EPB41: variants seen among roughly 807,000 people sequenced by gnomAD.
EPB41 encodes protein 4.1.
A neutral mutation model predicts 108.0 loss-of-function variants in EPB41; 65 were observed. The ratio of observed to expected loss-of-function variants is 0.60; its 90% CI spans 0.49 to 0.74. The LOEUF (loss-of-function observed/expected upper bound fraction) is 0.74. EPB41 is among the 30% of genes least tolerant of loss of function. The probability of loss-of-function intolerance (pLI) is 0.00; values close to 1 mark genes in which losing one functional copy is unlikely to be tolerated. For synonymous variants in EPB41, 336 were observed against 358.9 expected (o/e 0.94, Z 0.72); for missense variants, 875 against 1,037.0 (o/e 0.84, Z 2.15).
chr1:29,101,614 G>A (rs1481884016), intron 17 of EPB41, among the ~76,000 whole-genome samples: 1 of 152,136 alleles, frequency 6.6e-6, no homozygotes, highest in Non-Finnish European at 1.5e-5. Context: ...GTTGCAGTGA[G>A]CCGAGATCAT....
At chr1:28,945,001 G>A (rs190590949) in intron 1 of EPB41, among the ~76,000 whole-genome samples, 7 of 151,656 alleles carry the variant, frequency 4.6e-5, no homozygotes, top group African/African-American at 1.7e-4. Flanking sequence ...TGAGGTGGGA[G>A]GATCACTTGA....
intron 1 of EPB41, among the ~76,000 whole-genome samples, chr1:28,940,127 A>G (rs2094213878): frequency 1.3e-5 from 2 of 152,226 alleles, no homozygotes; most frequent in African/African-American, 4.8e-5. Flanking sequence ...AGTTGTTGGT[A>G]GCCAGCTTTG....
At position 29,061,308 on chromosome 1, in the gene EPB41, C is replaced by T. The variant is rs537104902; in HGVS notation, c.2007+824C>T. Among the ~76,000 whole-genome samples, 400 of 152,148 alleles carry T rather than the reference C, an allele frequency of 2.6e-3. 3 individuals are homozygous for T. Among genetic ancestry groups the T allele is most frequent in the African/African-American group, 9.3e-3 (388 of 41,532 alleles). On this transcript the variant is annotated intron_variant, in intron 15 of 20. Transcript: ENST00000343067. ...TTTTTGAGACAGAGTCTCGCTCTGT[C>T]GGCCAGGCTAGAGTGTAGTGGCGTG...
chr1:28,930,530 G>A (rs559821662), intron 1 of EPB41, among the ~76,000 whole-genome samples: 9 of 151,472 alleles, frequency 5.9e-5, no homozygotes, highest in African/African-American at 1.7e-4. Context: ...TGTTGCCTGG[G>A]CTGGAGTGCA....
rs1221262969 is a variant in EPB41, at chr1:28,905,030, C to CAAAAAAAAAA, written c.-8+17830_-8+17839dup. On this transcript the variant is annotated intron_variant, in intron 1 of 16. Transcript: ENST00000347529. ...TGGGCGACAGAACGAGACTCTGTCT[C>CAAAAAAAAAA]AAAAAAAAAAAAAAAAAAATTAGCC... Among the ~76,000 whole-genome samples the CAAAAAAAAAA allele has an allele frequency of 3.4e-3, 246 of 72,238 alleles. 4 individuals carry two copies. Among genetic ancestry groups the CAAAAAAAAAA allele is most frequent in the African/African-American group, 8.8e-3 (151 of 17,096 alleles). 47.4% of individuals were successfully genotyped at this position (72,238 alleles called of 152,430 possible).
intron 1 of EPB41, among the ~76,000 whole-genome samples, chr1:28,940,423 G>A (rs931684165): frequency 6.6e-6 from 1 of 152,154 alleles, no homozygotes; most frequent in African/African-American, 2.4e-5. Context: ...AGGCCGAGGT[G>A]GGCGGATCAC....
chr1:28,955,793 G>A (rs2094927473), intron 1 of EPB41, among the ~76,000 whole-genome samples: 1 of 152,182 alleles, frequency 6.6e-6, no homozygotes, highest in Non-Finnish European at 1.5e-5. Flanking sequence ...GAAGGGAATG[G>A]AGAATAGGAT....
At chr1:28,922,702 A>G (rs914832201) in intron 1 of EPB41, among the ~76,000 whole-genome samples, 3 of 147,138 alleles carry the variant, frequency 2.0e-5, no homozygotes, top group African/African-American at 7.6e-5. Context: ...ATCTCGGCTC[A>G]CTGCAACCTC....
rs915016739 is a variant in EPB41, at chr1:29,109,516, T to C, written c.2415+79T>C. ...TGCCACCTCTCTGCAAGAAGGACCCTAGTCCATAAGCAAATATTTTCAGCT... is the reference window on the plus strand; with the variant it reads ...TGCCACCTCTCTGCAAGAAGGACCCCAGTCCATAAGCAAATATTTTCAGCT... On this transcript the variant is annotated intron_variant, in intron 18 of 20. Coordinates refer to ENST00000343067, the MANE Select transcript of EPB41 (RefSeq NM_001376013.1). 5 of 1,182,458 alleles carry C rather than the reference T, an allele frequency of 4.2e-6. No homozygotes were observed. The Admixed American group carries it at 8.9e-5, about 21-fold the overall frequency. The allele number at this position is 1,182,458 out of a possible 1,614,324, so 73.2% of individuals were successfully genotyped here.
rs557336306 is a variant in EPB41, at chr1:29,048,788, CTATCTTT to C, written c.1637-4313_1637-4307del. 4.2e-3 allele frequency among the ~76,000 whole-genome samples: 645 copies of C among 152,174 alleles called. 5 individuals are homozygous for C. The highest frequency in any genetic ancestry group is 0.015 in the African/African-American group (612 of 41,522). ...CACTTAGTATGTTCCAGGCACTGTT[CTATCTTT>C]TAAGTATCTGAAGTGCATATAAACT... On this transcript the variant is annotated intron_variant, in intron 11 of 20. Coordinates refer to ENST00000343067, the MANE Select transcript of EPB41 (RefSeq NM_001376013.1).
In EPB41 at chr1:28,996,468, A is replaced by G. The variant is rs190599623; in HGVS notation, c.682-747A>G. On this transcript the variant is annotated intron_variant, in intron 3 of 20. Transcript: ENST00000343067. The stretch of plus-strand genomic sequence containing the variant: ...TTTGGTCTGAAAATGATAGAGTCTA[A>G]TGATTTCCACAGCCACAATTAAATG... Among the ~76,000 whole-genome samples, 8 of 152,324 alleles carry G rather than the reference A, an allele frequency of 5.3e-5. No individual in the cohort carries two copies. In the East Asian group the frequency reaches 1.3e-3, roughly 26 times the overall value.
intron 16 of EPB41, among the ~76,000 whole-genome samples, chr1:29,091,321 T>G (rs1661090190): frequency 6.6e-6 from 1 of 152,238 alleles, no homozygotes; most frequent in Non-Finnish European, 1.5e-5. Context: ...CCTCTCCATG[T>G]GAATGGGTTT....
chr1:28,967,364 C>T (rs763008789), intron 1 of EPB41, among the ~76,000 whole-genome samples: 1 of 151,978 alleles, frequency 6.6e-6, no homozygotes, highest in African/African-American at 2.4e-5. Context: ...GTTCCAGGTA[C>T]CTCATTTAAA....
At chr1:29,074,577 A>G (rs555392670) in intron 16 of EPB41, among the ~76,000 whole-genome samples, 1 of 152,290 alleles carries the variant, frequency 6.6e-6, no homozygotes, top group South Asian at 2.1e-4. Flanking sequence ...GTGCAGATCT[A>G]TGAAAGCATA....
At chr1:28,889,320 C>A (rs904734792) in intron 1 of EPB41, among the ~76,000 whole-genome samples, 84 of 152,316 alleles carry the variant, frequency 5.5e-4, no homozygotes, top group African/African-American at 2.0e-3. Flanking sequence ...CCAGGCAACA[C>A]CTGCCAGGTC....
intron 16 of EPB41, chr1:29,096,230 G>C: frequency 1.0e-6 from 1 of 985,872 alleles, no homozygotes; most frequent in African/African-American, 1.7e-5. Flanking sequence ...CTCTGAATGG[G>C]AGGGTCCCAA....
intron 1 of EPB41, among the ~76,000 whole-genome samples, chr1:28,939,256 A>C (rs183259044): frequency 2.6e-5 from 4 of 152,160 alleles, no homozygotes; most frequent in Non-Finnish European, 4.4e-5. Flanking sequence ...TGAGATGATC[A>C]TGTGGATTTT....
At chr1:29,098,829 C>G (rs1404918763) in intron 17 of EPB41, among the ~76,000 whole-genome samples, 1 of 151,832 alleles carries the variant, frequency 6.6e-6, no homozygotes, top group East Asian at 2.0e-4. Context: ...TCACTGCAAC[C>G]TCTGCCTTCT....
intron 5 of EPB41, among the ~76,000 whole-genome samples, chr1:29,012,321 A>G (rs2149949611): frequency 6.6e-6 from 1 of 152,296 alleles, no homozygotes; most frequent in South Asian, 2.1e-4. Context: ...GAACTATTGC[A>G]TTATAAATTT....
Sources: allele counts gnomAD v4.1 joint callset (sites outside exome capture counted in the v4.1 genomes callset), GRCh38; gene constraint gnomAD v4.1.1; transcripts MANE v1.5; gene names NCBI Gene and HGNC (gene_info 2026-07-23, HGNC 2026-07-21).